KCNQ3: variants seen among roughly 807,000 people sequenced by gnomAD.
KCNQ3 encodes potassium voltage-gated channel subfamily Q member 3, also known as potassium voltage-gated channel subfamily KQT member 3.
In KCNQ3, 30 loss-of-function variants were observed where a neutral mutation model predicts 92.5. That is an observed-to-expected ratio of 0.32 (90% confidence interval 0.24 to 0.44). The LOEUF (loss-of-function observed/expected upper bound fraction) is 0.44. Among genes scored for constraint, KCNQ3 ranks in the 20% least tolerant of loss-of-function variants. The pLI is 1.00. For missense variants in KCNQ3, 913 were observed against 1,140.3 expected (o/e 0.80, Z 2.87); for synonymous variants, 450 against 468.8 (o/e 0.96, Z 0.52).
At chr8:132,391,933 A>G (rs570305107) in intron 1 of KCNQ3, among the ~76,000 whole-genome samples, 2 of 152,218 alleles carry the variant, frequency 1.3e-5, no homozygotes, top group East Asian at 3.9e-4. Flanking sequence ...GGAAGATAAT[A>G]ATCCATCCTA....
chr8:132,390,301 T>C (rs1042450796), intron 1 of KCNQ3, among the ~76,000 whole-genome samples: 4 of 152,098 alleles, frequency 2.6e-5, no homozygotes, highest in African/African-American at 7.2e-5. Flanking sequence ...AGAATAGAGA[T>C]TGCTTTTGGG....
intron 2 of KCNQ3, 115 bp from the exon 3 acceptor site, chr8:132,184,482 T>G: frequency 1.9e-6 from 2 of 1,035,474 alleles, no homozygotes; most frequent in Non-Finnish European, 2.8e-6. Context: ...GCTGGTTGTC[T>G]GGTTGGCAGG....
In KCNQ3 at chr8:132,275,871, C is replaced by T. The variant is rs118167936; in HGVS notation, c.387-89690G>A. Among the ~76,000 whole-genome samples the T allele has an allele frequency of 8.2e-4, 125 of 152,354 alleles. 1 individual carries two copies. In the East Asian group the frequency reaches 0.019, roughly 23 times the overall value. On this transcript the variant is annotated intron_variant, in intron 1 of 14. Coordinates refer to ENST00000388996, the MANE Select transcript of KCNQ3 (RefSeq NM_004519.4). ...GGATTACAGGTGTGAGCCACTGTGC[C>T]AGCCAGTGCAACCTTCTACATGTGC...
At chr8:132,329,177 G>A (rs1818156847) in intron 1 of KCNQ3, among the ~76,000 whole-genome samples, 1 of 152,188 alleles carries the variant, frequency 6.6e-6, no homozygotes, top group Non-Finnish European at 1.5e-5. Flanking sequence ...TGCAGAGCAT[G>A]AAAATAGGGC....
intron 1 of KCNQ3, among the ~76,000 whole-genome samples, chr8:132,200,432 T>G (rs902569510): frequency 2.0e-5 from 3 of 151,266 alleles, no homozygotes; most frequent in Non-Finnish European, 4.4e-5. Flanking sequence ...AAGAACAAGT[T>G]TGCCAACTTC....
intron 1 of KCNQ3, among the ~76,000 whole-genome samples, chr8:132,417,460 T>A (rs1820847274): frequency 6.6e-6 from 1 of 152,214 alleles, no homozygotes; most frequent in Admixed American, 6.5e-5. Context: ...TGGTGAAATT[T>A]ACAAGTTGAG....
At chr8:132,457,207 T>G (rs1821962271) in intron 1 of KCNQ3, among the ~76,000 whole-genome samples, 2 of 152,244 alleles carry the variant, frequency 1.3e-5, no homozygotes, top group Non-Finnish European at 2.9e-5. Flanking sequence ...GAGCCCAGGA[T>G]GCTGAACATC....
intron 1 of KCNQ3, among the ~76,000 whole-genome samples, chr8:132,228,861 G>A (rs889655143): frequency 5.3e-5 from 8 of 152,126 alleles, no homozygotes; most frequent in African/African-American, 1.7e-4. Context: ...CATGCATTGT[G>A]TTAGTGAGTT....
At chr8:132,357,028 CAACAACA>C (rs1392130040) in intron 1 of KCNQ3, among the ~76,000 whole-genome samples, 1 of 151,664 alleles carries the variant, frequency 6.6e-6, no homozygotes, top group African/African-American at 2.4e-5. Flanking sequence ...ACAACAACAA[CAACAACA>C]AAAACTAAGG....
At position 132,455,877 on chromosome 8, in the gene KCNQ3, G is replaced by C. The variant is rs574237608; in HGVS notation, c.386+24270C>G. On this transcript the variant is annotated intron_variant, in intron 1 of 14. Transcript: ENST00000388996. ...CTGCCTCAGCCTCCCAAGTAGCTGGGACTACAGGCACCCACCACCAAGCCT... is the reference window on the plus strand; with the variant it reads ...CTGCCTCAGCCTCCCAAGTAGCTGGCACTACAGGCACCCACCACCAAGCCT... Among the ~76,000 whole-genome samples the C allele has an allele frequency of 4.9e-4, 75 of 152,172 alleles. 1 individual carries two copies. In the South Asian group the frequency reaches 6.2e-3, roughly 13 times the overall value.
chr8:132,458,613 CCCAG>C (rs1821996161), intron 1 of KCNQ3, among the ~76,000 whole-genome samples: 1 of 152,178 alleles, frequency 6.6e-6, no homozygotes. Flanking sequence ...CACCAAAACA[CCCAG>C]CTAATTTCTG....
chr8:132,441,819 T>G (rs1821545682), intron 1 of KCNQ3, among the ~76,000 whole-genome samples: 1 of 152,074 alleles, frequency 6.6e-6, no homozygotes, highest in Admixed American at 6.6e-5. Flanking sequence ...CATTCTGGAA[T>G]CAACCTAAAT....
At chr8:132,226,057 G>A (rs907441811) in intron 1 of KCNQ3, among the ~76,000 whole-genome samples, 1 of 152,110 alleles carries the variant, frequency 6.6e-6, no homozygotes, top group African/African-American at 2.4e-5. Context: ...GGATCACAAG[G>A]TCAGGAGATA....
At position 132,141,191 on chromosome 8, in the gene KCNQ3, T is replaced by C. The variant is rs118192252; in HGVS notation, c.1403A>G (p.Asn468Ser). Reference sequence around the variant, plus strand: ...GAAGGCCGTGCGGAAACGCTCTTTATTGTTTAAGCCAACAGGCTTTGGTTC... The same window carrying C: ...GAAGGCCGTGCGGAAACGCTCTTTACTGTTTAAGCCAACAGGCTTTGGTTC... ...SKEPKPVGLN[N>S]KERFRTAFRM... Residue 468 changes from asparagine to serine, a missense_variant, in exon 10 of 15, where the codon AAT (asparagine) becomes AGT (serine). This residue lies in a region of KCNQ3 where 182 missense variants were observed against 234.5 expected (regional missense o/e 0.78). Transcript: ENST00000388996. The C allele has an allele frequency of 5.5e-5, 88 of 1,614,220 alleles. No individual in the cohort carries two copies. The South Asian group carries it at 6.7e-4, about 12-fold the overall frequency.
chr8:132,280,768 G>A (rs1586891611), intron 1 of KCNQ3, among the ~76,000 whole-genome samples: 1 of 152,272 alleles, frequency 6.6e-6, no homozygotes, highest in South Asian at 2.1e-4. Context: ...TCAGAAGGTG[G>A]AAATGAGTTA....
chr8:132,480,483 T>TCGCCGC lies in KCNQ3; in HGVS notation c.44_49dup (p.Gly15_Gly16dup), dbSNP rs981093917. 4.1e-6 allele frequency: 5 copies of TCGCCGC among 1,211,236 alleles called. No homozygotes were observed. Among genetic ancestry groups the TCGCCGC allele is most frequent in the Non-Finnish European group, 5.1e-6 (5 of 979,820 alleles). The allele number at this position is 1,211,236 out of a possible 1,614,324, so 75.0% of individuals were successfully genotyped here. On this transcript the variant is annotated inframe_insertion, in exon 1 of 15. Coordinates refer to ENST00000388996, the MANE Select transcript of KCNQ3 (RefSeq NM_004519.4). ...CGCCCCGCCGCCTCCGCCGCCCCCG[T>TCGCCGC]CGCCGCCGCCGCCAGCCGCCCCCGC... is the stretch of plus-strand genomic sequence containing the variant.
At chr8:132,388,901 G>A (rs1819973257) in intron 1 of KCNQ3, among the ~76,000 whole-genome samples, 1 of 152,050 alleles carries the variant, frequency 6.6e-6, no homozygotes, top group Non-Finnish European at 1.5e-5. Context: ...CTATGATTTG[G>A]AGTATAGTGG....
At chr8:132,371,480 T>C (rs1819472226) in intron 1 of KCNQ3, among the ~76,000 whole-genome samples, 1 of 152,206 alleles carries the variant, frequency 6.6e-6, no homozygotes, top group Non-Finnish European at 1.5e-5. Flanking sequence ...AGGAGATGTC[T>C]GACCTGCGTC....
At chr8:132,252,350 G>A (rs900678458) in intron 1 of KCNQ3, among the ~76,000 whole-genome samples, 11 of 152,080 alleles carry the variant, frequency 7.2e-5, no homozygotes, top group South Asian at 6.3e-4. Flanking sequence ...GAGTGAAGCC[G>A]CAGACCTTTG....
Sources: gnomAD v4.1 joint callset for allele counts (sites outside exome capture counted in the v4.1 genomes callset) on GRCh38, gnomAD v4.1.1 for gene constraint, gnomAD v4.1.1 regional missense constraint, MANE v1.5 for transcripts, NCBI Gene and HGNC (gene_info 2026-07-23, HGNC 2026-07-21) for gene names.